RPUSD3: variants seen among roughly 807,000 people sequenced by gnomAD.
The protein encoded by RPUSD3 is RNA pseudouridine synthase D3.
In RPUSD3, 36 loss-of-function variants were observed where a neutral mutation model predicts 35.1. That is an observed-to-expected ratio of 1.02 (90% CI 0.79 to 1.35). RPUSD3 has a LOEUF of 1.35. Ranked by LOEUF, RPUSD3 falls within the 40% of genes most tolerant of loss-of-function variation. The pLI is 0.00. For missense variants in RPUSD3, 486 were observed against 441.9 expected (o/e 1.10, Z -0.89); for synonymous variants, 202 against 187.8 (o/e 1.08, Z -0.62).
At chr3:9,839,001 CAGAA>C (rs773009526) in intron 8 of RPUSD3, 27 bp downstream of exon 8, 1 of 1,613,854 alleles carries the variant, frequency 6.2e-7, no homozygotes, top group Admixed American at 1.7e-5. Context: ...CTCCACCCCT[CAGAA>C]AGCAGCAGGC....
exon 2 of RPUSD3, chr3:9,843,541 G>C (rs370961231): frequency 1.2e-6 from 2 of 1,613,736 alleles, no homozygotes; most frequent in African/African-American, 2.7e-5. Flanking sequence ...GCAGCCCCGC[G>C]AAGGGCTGGT....
intron 1 of RPUSD3, 25 bp from the exon 2 acceptor site, chr3:9,843,626 G>A (rs755188309): frequency 6.2e-7 from 1 of 1,612,244 alleles, no homozygotes; most frequent in Admixed American, 1.7e-5. Flanking sequence ...AGAAGCAATG[G>A]GAGTCATTCC....
At chr3:9,838,916 G>A (rs2082062191) in intron 8 of RPUSD3, 116 bp downstream of exon 8, 7 of 1,439,090 alleles carry the variant, frequency 4.9e-6, no homozygotes, top group Non-Finnish European at 5.7e-6. Flanking sequence ...AGCCTTGGGA[G>A]CCAAAAGGGC....
intron 3 of RPUSD3, 56 bp downstream of exon 3, chr3:9,842,143 C>T: frequency 6.2e-7 from 1 of 1,612,798 alleles, no homozygotes; most frequent in Non-Finnish European, 8.5e-7. Flanking sequence ...CTTTTCCCTC[C>T]CTCAGTCACG....
At chr3:9,840,044 C>G in intron 7 of RPUSD3, 140 bp downstream of exon 7, 1 of 1,097,830 alleles carries the variant, frequency 9.1e-7, no homozygotes, top group Admixed American at 2.9e-5. Flanking sequence ...CCGTGCCCAG[C>G]TAATTTTTGT....
intron 4 of RPUSD3, 25 bp from the exon 5 acceptor site, chr3:9,840,830 A>G (rs1408648344): frequency 1.3e-6 from 2 of 1,586,636 alleles, no homozygotes; most frequent in Non-Finnish European, 1.7e-6. Context: ...CAAATCACAC[A>G]AGTTAAAGTC....
At position 9,839,281 on chromosome 3, in the gene RPUSD3, A is replaced by G. The variant is rs115016666; in HGVS notation, c.725-110T>C. On this transcript the variant is annotated intron_variant, in intron 7 of 8. Coordinates refer to ENST00000383820, the Ensembl canonical transcript of RPUSD3. The stretch of plus-strand genomic sequence containing the variant: ...GAAACACCACCCCCTTTCTCAGATC[A>G]TATGTTTCAGTGAGGTCAGTACTAT... 203 of 1,335,234 alleles carry G rather than the reference A, an allele frequency of 1.5e-4. No individual in the cohort carries two copies. In the African/African-American group the frequency reaches 2.6e-3, roughly 17 times the overall value. 82.7% of individuals were successfully genotyped at this position (1,335,234 alleles called of 1,614,324 possible). A position where few individuals can be genotyped will look rare whatever the true frequency, so the allele number is the denominator to read the frequency against.
intron 4 of RPUSD3, 59 bp from the exon 5 acceptor site, chr3:9,840,864 G>C: frequency 1.5e-6 from 2 of 1,341,358 alleles, no homozygotes; most frequent in South Asian, 1.3e-5. Context: ...CACTAAAAAG[G>C]AAACTCTTAG....
exon 9 of RPUSD3, chr3:9,837,945 G>C: frequency 6.8e-7 from 1 of 1,465,916 alleles, no homozygotes; most frequent in Non-Finnish European, 9.1e-7. Context: ...TGTGATCTTA[G>C]GTTTGTCTGA....
Position 9,842,586 on chromosome 3 carries a change from C to T in RPUSD3, c.263-343G>A. On this transcript the variant is annotated intron_variant, in intron 2 of 8. Coordinates refer to ENST00000383820, the Ensembl canonical transcript of RPUSD3. ...ACCCTGTTTTAGTTTATGCATAGCA[C>T]TTACCACTAGTAACTTGTTCATTTA... 4 of 376,520 alleles carry T rather than the reference C, an allele frequency of 1.1e-5. No individual in the cohort carries two copies. The South Asian group carries it at 1.2e-4, about 12-fold the overall frequency. The allele number at this position is 376,520 out of a possible 1,614,324, so 23.3% of individuals were successfully genotyped here. A position where few individuals can be genotyped will look rare whatever the true frequency, so the allele number is the denominator to read the frequency against.
intron 4 of RPUSD3, chr3:9,841,267 T>G (rs2082099524): frequency 6.5e-6 from 1 of 154,430 alleles, no homozygotes. Flanking sequence ...TAGGTATTAT[T>G]TTCTCTATTT....
chr3:9,840,177 GACCT>G lies in RPUSD3; in HGVS notation c.724+3_724+6del. On this transcript the variant is annotated splice_donor_5th_base_variant and intron_variant, in intron 7 of 8. Coordinates refer to ENST00000383820, the Ensembl canonical transcript of RPUSD3. Reference sequence around the variant, plus strand: ...GTTTTAAAGGCTGGCTAGGGTGCCAGACCTACCTGTCAGTGGCTGCAGCTGGACC... The same window carrying G: ...GTTTTAAAGGCTGGCTAGGGTGCCAGACCTGTCAGTGGCTGCAGCTGGACC... 6.2e-7 allele frequency: 1 copy of G among 1,611,330 alleles called. No individual in the cohort carries two copies. Among genetic ancestry groups the G allele is most frequent in the East Asian group, 2.2e-5 (1 of 44,828 alleles).
At position 9,843,500 on chromosome 3, in the gene RPUSD3, A is replaced by T. The variant is rs2082133579; in HGVS notation, c.227T>A (p.Val76Asp). 1 of 1,614,014 alleles carries T rather than the reference A, an allele frequency of 6.2e-7. No homozygotes were observed. Among genetic ancestry groups the T allele is most frequent in the Non-Finnish European group, 8.5e-7 (1 of 1,179,994 alleles). ...CACCACGGCTGCCCGCAGCGCATCA[A>T]CCAGCTCCTCCCGACTGAGGTTTTT... The change falls in exon 2 of 9, where the codon GTT becomes GAT. Residue 76 changes from valine to aspartate, a missense_variant. Coordinates refer to ENST00000383820, the Ensembl canonical transcript of RPUSD3.
At position 9,840,666 on chromosome 3, in the gene RPUSD3, C is replaced by T. The variant is rs1362071767; in HGVS notation, c.515+32G>A. The T allele has an allele frequency of 3.1e-6, 5 of 1,612,426 alleles. No homozygotes were observed. In the East Asian group the frequency reaches 8.9e-5, roughly 29 times the overall value. ...ACAGGGTGGCTTGCTGGGACCTCCC[C>T]ACCACTCTAGGAACCTCCCAGCACC... is the stretch of plus-strand genomic sequence containing the variant. On this transcript the variant is annotated intron_variant, in intron 5 of 8. Coordinates refer to ENST00000383820, the Ensembl canonical transcript of RPUSD3.
intron 8 of RPUSD3, among the ~76,000 whole-genome samples, chr3:9,838,559 C>T (rs963218294): frequency 1.3e-5 from 2 of 152,142 alleles, no homozygotes; most frequent in Admixed American, 1.3e-4. Context: ...TCCACTTGAA[C>T]CTACACTGTC....
At chr3:9,841,940 T>A (rs771966789) in intron 4 of RPUSD3, 43 bp downstream of exon 4, 32 of 1,521,420 alleles carry the variant, frequency 2.1e-5, no homozygotes, top group Non-Finnish European at 2.9e-5. Context: ...CCACCACAGA[T>A]GGATGCCTGT....
At chr3:9,838,670 T>C (rs950703012) in intron 8 of RPUSD3, among the ~76,000 whole-genome samples, 14 of 152,170 alleles carry the variant, frequency 9.2e-5, no homozygotes, top group Non-Finnish European at 1.3e-4. Flanking sequence ...AGGGCACAGT[T>C]CTTGTGTGAA....
intron 7 of RPUSD3, chr3:9,839,709 C>G (rs1271594517): frequency 6.3e-6 from 1 of 158,198 alleles, no homozygotes; most frequent in Non-Finnish European, 1.4e-5. Context: ...TCCCAAGTAG[C>G]TAGGATTACA....
rs1366333434 is a variant in RPUSD3, at chr3:9,840,681, C to T, written c.515+17G>A. 6.2e-7 allele frequency: 1 copy of T among 1,613,212 alleles called. No individual in the cohort carries two copies. Among genetic ancestry groups the T allele is most frequent in the Non-Finnish European group, 8.5e-7 (1 of 1,179,404 alleles). On this transcript the variant is annotated intron_variant, in intron 5 of 8. Transcript: ENST00000383820. ...GGGACCTCCCCACCACTCTAGGAAC[C>T]TCCCAGCACCTCTCACCAGTAGGTG...
Sources: gnomAD v4.1 joint callset for allele counts (sites outside exome capture counted in the v4.1 genomes callset) on GRCh38, gnomAD v4.1.1 for gene constraint, MANE v1.5 for transcripts, NCBI Gene and HGNC (gene_info 2026-07-23, HGNC 2026-07-21) for gene names.